Variants in LRP2 observed in about 807,000 individuals in gnomAD.
LRP2 encodes the protein low-density lipoprotein receptor-related protein 2.
A neutral mutation model predicts 531.0 loss-of-function variants in LRP2; 172 were observed. The ratio of observed to expected loss-of-function variants is 0.32; its 90% CI spans 0.29 to 0.37. LRP2 has a LOEUF of 0.37. Ranked by LOEUF, LRP2 falls within the 10% of genes least tolerant of loss-of-function variation. The pLI, the probability that LRP2 is intolerant of heterozygous loss-of-function variation, is 1.00. For missense variants in LRP2, 5,167 were observed against 5,868.3 expected, an observed-to-expected ratio of 0.88 and a Z score of 3.90; for synonymous variants, 1,992 against 2,027.6, an observed-to-expected ratio of 0.98 and a Z score of 0.47.
chr2:169,132,409 T>C (rs1471044318), intron 77 of LRP2, among the ~76,000 whole-genome samples, 165 bp downstream of exon 77: 1 of 152,210 alleles, frequency 6.6e-6, no homozygotes, highest in East Asian at 1.9e-4. Context: ...GGTGGAAAGT[T>C]TTTCAATCTA....
chr2:169,241,216 A>G lies in LRP2; in HGVS notation c.3817T>C (p.Ser1273Pro). The G allele has an allele frequency of 6.2e-7, 1 of 1,614,160 alleles. No homozygotes were observed. Among genetic ancestry groups the G allele is most frequent in the Non-Finnish European group, 8.5e-7 (1 of 1,180,012 alleles). Residue 1273 changes from serine (S) to proline (P), a missense_variant, in exon 25 of 79, where the codon TCA becomes CCA. Ser to Pro is a moderately conservative substitution (Grantham distance 74). Around this residue, in one of 6 missense-constraint regions of LRP2, gnomAD observed 2,811 missense variants for 3,058.0 expected, o/e 0.92. Coordinates refer to ENST00000649046, the MANE Select transcript of LRP2 (RefSeq NM_004525.3). ...CCGTTGTCACAGTGGAAATATGATG[A>G]AGGGCAAGTCTTGGGGACACAGGCA... ...HNACVPKTCP[S>P]SYFHCDNGNC...
chr2:169,358,003 G>A (rs16856843), intron 1 of LRP2, among the ~76,000 whole-genome samples: 18,648 of 152,128 alleles, frequency 0.12, 1,326 homozygotes, highest in East Asian at 0.31. Context: ...CACTGACATG[G>A]CATCAGTTCT....
chr2:169,342,608 A>AGACTCAGT, intron 1 of LRP2, among the ~76,000 whole-genome samples: 1 of 152,164 alleles, frequency 6.6e-6, no homozygotes, highest in Non-Finnish European at 1.5e-5. Flanking sequence ...AACTCCTTCA[A>AGACTCAGT]GACTCAGTTC....
At chr2:169,260,757 T>C (rs1037010131) in intron 16 of LRP2, among the ~76,000 whole-genome samples, 11 of 151,514 alleles carry the variant, frequency 7.3e-5, no homozygotes, top group African/African-American at 1.9e-4. Flanking sequence ...TAGATAGTAA[T>C]CAAAGGCAGG....
chr2:169,152,717 T>G (rs1209471164), intron 67 of LRP2, 82 bp downstream of exon 67: 2 of 1,489,436 alleles, frequency 1.3e-6, no homozygotes, highest in Non-Finnish European at 1.9e-6. Context: ...AGGCCCAGAC[T>G]CACTCATGGC....
chr2:169,239,819 C>A (rs1468197267), intron 25 of LRP2, 44 bp from the exon 26 acceptor site: 2 of 1,518,608 alleles, frequency 1.3e-6, no homozygotes, highest in East Asian at 2.3e-5. Context: ...AATCAAGAAT[C>A]TTTGCTTCTT....
At chr2:169,293,868 A>G (rs1372972845) in intron 6 of LRP2, among the ~76,000 whole-genome samples, 1 of 152,030 alleles carries the variant, frequency 6.6e-6, no homozygotes, top group Non-Finnish European at 1.5e-5. Context: ...TATATCCTGT[A>G]CCCCTGGAGC....
intron 1 of LRP2, among the ~76,000 whole-genome samples, chr2:169,358,243 A>G (rs1686044349): frequency 6.6e-6 from 1 of 152,180 alleles, no homozygotes. Flanking sequence ...GCAAATTTAT[A>G]TCTTAGCTCT....
chr2:169,203,851 T>C, intron 42 of LRP2, 131 bp downstream of exon 42: 2 of 903,754 alleles, frequency 2.2e-6, no homozygotes, highest in Non-Finnish European at 3.5e-6. Flanking sequence ...TAGCCCCAGG[T>C]CTGTTTCATA....
intron 1 of LRP2, among the ~76,000 whole-genome samples, chr2:169,335,969 A>G (rs1415958102): frequency 6.6e-6 from 1 of 150,502 alleles, no homozygotes; most frequent in Non-Finnish European, 1.5e-5. Context: ...GAGCCAAGAT[A>G]GTGCCATTGC....
intron 46 of LRP2, 76 bp from the exon 47 acceptor site, chr2:169,193,968 C>T (rs1306810517): frequency 6.5e-7 from 1 of 1,534,488 alleles, no homozygotes; most frequent in African/African-American, 1.4e-5. Context: ...CTGGTTGTAG[C>T]ATGGGTTGTC....
In LRP2 at chr2:169,174,130, G is replaced by A. The variant is rs370876114; in HGVS notation, c.10803C>T (p.Cys3601=). The A allele has an allele frequency of 8.4e-5, 136 of 1,614,186 alleles. 1 individual carries two copies. Among genetic ancestry groups the A allele is most frequent in the Middle Eastern group, 6.6e-4 (4 of 6,062 alleles). ...ATTCTGGGATGCAACGTTTGTTGGC[G>A]CACTGCCATTCATTGGAGTCACAGT... ...NHHCDSNEWQ[C]ANKRCIPESW... The change falls in exon 56 of 79, where the codon TGC becomes TGT. Residue 3601 remains cysteine (C), a synonymous_variant. Transcript: ENST00000649046.
At chr2:169,227,419 T>C (rs1250011470) in intron 31 of LRP2, among the ~76,000 whole-genome samples, 1 of 152,240 alleles carries the variant, frequency 6.6e-6, no homozygotes, top group Non-Finnish European at 1.5e-5. Context: ...ATCTCCTTAA[T>C]AGATAATAAA....
rs1690299676 is a variant in LRP2 at position 169,256,245 on chromosome 2, A to G, written c.2640-9T>C. 4.3e-6 allele frequency: 7 copies of G among 1,609,722 alleles called. No homozygotes were observed. In the South Asian group the frequency reaches 6.6e-5, roughly 15 times the overall value. ...AGTACAATCGTGAAGCACTAAAATAATAAAATATTTAGTTATCTCTTATCC... is the reference window on the plus strand; with the variant it reads ...AGTACAATCGTGAAGCACTAAAATAGTAAAATATTTAGTTATCTCTTATCC... On this transcript the variant is annotated splice_polypyrimidine_tract_variant and intron_variant, in intron 18 of 78. Coordinates refer to ENST00000649046, the MANE Select transcript of LRP2 (RefSeq NM_004525.3).
Position 169,243,482 on chromosome 2 carries a change from G to A in LRP2, c.3471C>T (p.Pro1157=). The A allele has an allele frequency of 6.2e-7, 1 of 1,614,074 alleles. No individual in the cohort carries two copies. The highest frequency in any genetic ancestry group is 8.5e-7 in the Non-Finnish European group (1 of 1,179,970). The change falls in exon 23 of 79, where the codon CCC becomes CCT. Residue 1157 remains proline (P), a synonymous_variant. Coordinates refer to ENST00000649046, the MANE Select transcript of LRP2 (RefSeq NM_004525.3). ...ACGATAGGTCAATACATCGATGATTGGGGCAATTAAACTGACTAGGTTGGC... is the reference window on the plus strand; with the variant it reads ...ACGATAGGTCAATACATCGATGATTAGGGCAATTAAACTGACTAGGTTGGC... ...ETCQPSQFNC[P]NHRCIDLSFV...
At chr2:169,151,051 A>G in intron 67 of LRP2, 25 bp from the exon 68 acceptor site, 1 of 1,613,564 alleles carries the variant, frequency 6.2e-7, no homozygotes, top group East Asian at 2.2e-5. Flanking sequence ...ACAAAGTTAA[A>G]CAACTGCAAA....
chr2:169,293,278 A>G (rs1475643590), intron 6 of LRP2, among the ~76,000 whole-genome samples: 2 of 152,168 alleles, frequency 1.3e-5, no homozygotes, highest in Non-Finnish European at 2.9e-5. Flanking sequence ...ATAAGTGGAG[A>G]GGTGGCAACA....
chr2:169,139,410 G>C, intron 73 of LRP2, 39 bp from the exon 74 acceptor site: 1 of 1,614,148 alleles, frequency 6.2e-7, no homozygotes, highest in South Asian at 1.1e-5. Context: ...CAACACATGG[G>C]AGCCCGCAAT....
chr2:169,217,688 C>A (rs1688849032), intron 34 of LRP2, among the ~76,000 whole-genome samples: 1 of 152,098 alleles, frequency 6.6e-6, no homozygotes, highest in Non-Finnish European at 1.5e-5. Context: ...GTTCCCTAAT[C>A]TAAGCTGAGG....
Sources: allele counts gnomAD v4.1 joint callset (sites outside exome capture counted in the v4.1 genomes callset), GRCh38; gene constraint gnomAD v4.1.1; regional missense constraint gnomAD v4.1.1; transcripts MANE v1.5; gene names NCBI Gene and HGNC (gene_info 2026-07-23, HGNC 2026-07-21).